TXNRD1: variants seen among roughly 807,000 people sequenced by gnomAD.
The protein encoded by TXNRD1 is thioredoxin reductase 1.
TXNRD1 carries 57 observed loss-of-function variants against 80.3 expected under a neutral mutation model. The ratio of observed to expected loss-of-function variants is 0.71; its 90% CI spans 0.57 to 0.89. The LOEUF (loss-of-function observed/expected upper bound fraction) is 0.89. TXNRD1 is among the 40% of genes least tolerant of loss of function. TXNRD1 has a pLI of 0.00. For synonymous variants in TXNRD1, 291 were observed against 285.2 expected (o/e 1.02, Z -0.20); for missense variants, 730 against 803.0 (o/e 0.91, Z 1.10).
intron 2 of TXNRD1, among the ~76,000 whole-genome samples, chr12:104,257,403 CTTTTTTTTTTTT>C (rs57917719): frequency 2.6e-5 from 2 of 76,986 alleles, no homozygotes; most frequent in Admixed American, 1.7e-4. Context: ...TGTTCCAATG[CTTTTTTTTTTTT>C]TTTTTTTTTG....
chr12:104,332,586 C>T (rs1049897448), intron 14 of TXNRD1, among the ~76,000 whole-genome samples: 1 of 151,678 alleles, frequency 6.6e-6, no homozygotes, highest in Admixed American at 6.6e-5. Context: ...CCCATCTCTA[C>T]TAAAAATATG....
intron 2 of TXNRD1, among the ~76,000 whole-genome samples, chr12:104,253,935 C>T (rs140870485): frequency 1.3e-3 from 204 of 152,300 alleles, no homozygotes; most frequent in Admixed American, 3.2e-3. Context: ...TGTCGTGATC[C>T]TCCCACCCCA....
chr12:104,234,865 G>A (rs1203346817), intron 1 of TXNRD1, among the ~76,000 whole-genome samples: 3 of 152,058 alleles, frequency 2.0e-5, no homozygotes, highest in African/African-American at 7.2e-5. Flanking sequence ...ATTCCCAATA[G>A]GAAAAGAGGC....
intron 4 of TXNRD1, among the ~76,000 whole-genome samples, chr12:104,294,367 A>C (rs1006487514): frequency 6.6e-6 from 1 of 151,864 alleles, no homozygotes; most frequent in African/African-American, 2.4e-5. Flanking sequence ...CGCTAGACCA[A>C]GGAGCCCTCC....
intron 10 of TXNRD1, among the ~76,000 whole-genome samples, chr12:104,324,117 G>C (rs907965104): frequency 5.9e-5 from 9 of 152,128 alleles, no homozygotes; most frequent in Non-Finnish European, 1.3e-4. Context: ...AAGTGAATAA[G>C]GGTGGAGGTG....
At position 104,334,243 on chromosome 12, in the gene TXNRD1, C is replaced by A; in HGVS notation, c.1657C>A (p.His553Asn). Residue 553 changes from histidine (H) to asparagine (N), a missense_variant, in exon 15 of 17, where the codon CAT becomes AAT. Physicochemically the swap from His to Asn is moderately conservative, Grantham distance 68. Coordinates refer to ENST00000525566, the MANE Select transcript of TXNRD1 (RefSeq NM_001093771.3). ...KFGEENIEVY[H>N]SYFWPLEWTI... is the part of the protein sequence containing the mutation. ...TGCTTTTGTATCTTCTTAGGTTTACCATAGTTACTTTTGGCCATTGGAATG... is the reference window on the plus strand; with the variant it reads ...TGCTTTTGTATCTTCTTAGGTTTACAATAGTTACTTTTGGCCATTGGAATG... The A allele has an allele frequency of 6.6e-7, 1 of 1,512,198 alleles. No homozygotes were observed. The highest frequency in any genetic ancestry group is 8.9e-7 in the Non-Finnish European group (1 of 1,128,014). 93.7% of individuals were successfully genotyped at this position (1,512,198 alleles called of 1,614,324 possible). A position where few individuals can be genotyped will look rare whatever the true frequency, so the allele number is the denominator to read the frequency against.
At chr12:104,228,124 G>GA (rs1342292548) in intron 1 of TXNRD1, among the ~76,000 whole-genome samples, 5 of 152,086 alleles carry the variant, frequency 3.3e-5, no homozygotes, top group Admixed American at 3.3e-4. Context: ...CCAACATGGA[G>GA]AAACCCCATC....
chr12:104,254,680 A>C (rs184993277), intron 2 of TXNRD1, among the ~76,000 whole-genome samples: 14 of 139,314 alleles, frequency 1.0e-4, no homozygotes, highest in African/African-American at 3.9e-4. Flanking sequence ...CATGGTTTGC[A>C]TGTGCCTGTA....
At position 104,339,200 on chromosome 12, in the gene TXNRD1, C is replaced by A; in HGVS notation, c.1808C>A (p.Ala603Glu). 1 of 1,613,960 alleles carries A rather than the reference C, an allele frequency of 6.2e-7. No homozygotes were observed. The highest frequency in any genetic ancestry group is 8.5e-7 in the Non-Finnish European group (1 of 1,179,872). ...GCTGGAGAAGTTACACAAGGCTTTG[C>A]AGCTGCGCTCAAATGTGGACTGACC... Reference protein sequence around the residue: ...PNAGEVTQGFAAALKCGLTKK... With the variant: ...PNAGEVTQGFEAALKCGLTKK... The change falls in exon 16 of 17, where the codon GCA (alanine) becomes GAA (glutamate). Residue 603 changes from alanine (A) to glutamate (E), a missense_variant. Transcript: ENST00000525566.
chr12:104,309,043 G>A (rs1413655455), intron 4 of TXNRD1, among the ~76,000 whole-genome samples: 1 of 151,858 alleles, frequency 6.6e-6, no homozygotes, highest in Non-Finnish European at 1.5e-5. Context: ...GACTACAGGT[G>A]CACGCCTCCA....
intron 3 of TXNRD1, 23 bp from the exon 4 acceptor site, chr12:104,288,908 C>G (rs772102204): frequency 6.2e-7 from 1 of 1,613,954 alleles, no homozygotes; most frequent in Non-Finnish European, 8.5e-7. Context: ...TTACACGCTC[C>G]GCTCTGCTTT....
chr12:104,340,389 G>T (rs2036280712), intron 16 of TXNRD1, among the ~76,000 whole-genome samples: 1 of 152,170 alleles, frequency 6.6e-6, no homozygotes, highest in Admixed American at 6.5e-5. Context: ...GAGTACATTA[G>T]TTTCCCAGGG....
chr12:104,234,881 C>T (rs761846766), intron 1 of TXNRD1, among the ~76,000 whole-genome samples: 1 of 152,106 alleles, frequency 6.6e-6, no homozygotes, highest in Non-Finnish European at 1.5e-5. Context: ...GAGGCAATAC[C>T]TCTTGATGAC....
chr12:104,338,337 C>T (rs1166432877), intron 15 of TXNRD1, among the ~76,000 whole-genome samples: 2 of 151,782 alleles, frequency 1.3e-5, no homozygotes, highest in Non-Finnish European at 2.9e-5. Context: ...ACATCATACT[C>T]TATGTTTTGG....
intron 1 of TXNRD1, among the ~76,000 whole-genome samples, chr12:104,228,129 C>T (rs1226237332): frequency 2.0e-5 from 3 of 151,986 alleles, no homozygotes; most frequent in Admixed American, 6.6e-5. Context: ...ATGGAGAAAC[C>T]CCATCTCTAC....
At chr12:104,270,337 C>T (rs1308530795) in intron 3 of TXNRD1, among the ~76,000 whole-genome samples, 1 of 152,148 alleles carries the variant, frequency 6.6e-6, no homozygotes, top group Non-Finnish European at 1.5e-5. Flanking sequence ...TATCCCTGGG[C>T]TGCAGAATGG....
intron 16 of TXNRD1, 52 bp from the exon 17 acceptor site, chr12:104,348,301 T>A: frequency 6.4e-7 from 1 of 1,567,598 alleles, no homozygotes; most frequent in Non-Finnish European, 8.8e-7. Flanking sequence ...TGTTCCCTGT[T>A]ACCTCATTTG....
At chr12:104,329,640 C>T (rs1395615254) in intron 13 of TXNRD1, among the ~76,000 whole-genome samples, 1 of 151,580 alleles carries the variant, frequency 6.6e-6, no homozygotes, top group Admixed American at 6.6e-5. Context: ...AGAGTAAGAC[C>T]CTGTCTCCAA....
chr12:104,347,925 A>T (rs1467646400), intron 16 of TXNRD1, among the ~76,000 whole-genome samples: 1 of 152,198 alleles, frequency 6.6e-6, no homozygotes, highest in Non-Finnish European at 1.5e-5. Context: ...ATGCAGGAAG[A>T]AATGCCTAGG....
Sources: gnomAD v4.1 joint callset for allele counts (sites outside exome capture counted in the v4.1 genomes callset) on GRCh38, gnomAD v4.1.1 for gene constraint, MANE v1.5 for transcripts, NCBI Gene and HGNC (gene_info 2026-07-23, HGNC 2026-07-21) for gene names.